DSCAM: variants seen among roughly 807,000 people sequenced by gnomAD.
DSCAM encodes cell adhesion molecule DSCAM.
A neutral mutation model predicts 217.7 loss-of-function variants in DSCAM; 47 were observed. That is an observed-to-expected ratio of 0.22 (90% CI 0.17 to 0.28). The LOEUF is 0.28. DSCAM is among the 10% of genes least tolerant of loss of function. The probability of loss-of-function intolerance (pLI) is 1.00; values close to 1 mark genes in which losing one functional copy is unlikely to be tolerated. For missense variants in DSCAM, 2,080 were observed against 2,618.3 expected, an observed-to-expected ratio of 0.79 and a Z score of 4.49; for synonymous variants, 1,056 against 1,015.3, an observed-to-expected ratio of 1.04 and a Z score of -0.76.
intron 3 of DSCAM, among the ~76,000 whole-genome samples, chr21:40,521,220 G>A (rs1177157801): frequency 2.6e-5 from 4 of 152,168 alleles, no homozygotes. Context: ...GGAGGCCAGG[G>A]ATAATGCTAA....
intron 3 of DSCAM, among the ~76,000 whole-genome samples, chr21:40,402,216 G>A (rs1031134188): frequency 6.0e-5 from 9 of 150,696 alleles, no homozygotes; most frequent in Non-Finnish European, 1.0e-4. Flanking sequence ...ACAGGCGCCC[G>A]CCACCACGCC....
chr21:40,263,598 C>T (rs994979859), intron 11 of DSCAM, among the ~76,000 whole-genome samples: 2 of 152,076 alleles, frequency 1.3e-5, no homozygotes, highest in Non-Finnish European at 2.9e-5. Flanking sequence ...TAAATGCCTA[C>T]ATTAAAAGTC....
At chr21:40,103,625 A>G (rs1257296057) in intron 20 of DSCAM, among the ~76,000 whole-genome samples, 1 of 152,110 alleles carries the variant, frequency 6.6e-6, no homozygotes, top group Non-Finnish European at 1.5e-5. Context: ...ATGGGATAAC[A>G]GCCAGGCAAT....
At position 40,795,122 on chromosome 21, in the gene DSCAM, C is replaced by A. The variant is rs140631807; in HGVS notation, c.43+51497G>T. Among the ~76,000 whole-genome samples, 402 of 152,082 alleles carry A rather than the reference C, an allele frequency of 2.6e-3. 2 individuals are homozygous for A. Among genetic ancestry groups the A allele is most frequent in the African/African-American group, 9.3e-3 (384 of 41,492 alleles). Reference sequence around the variant, plus strand: ...GTGTCTTGTTATACTATTCACAACGCAAACTCTCGGCCCCAGTTGAATGCA... The same window carrying A: ...GTGTCTTGTTATACTATTCACAACGAAAACTCTCGGCCCCAGTTGAATGCA... On this transcript the variant is annotated intron_variant, in intron 1 of 32. Coordinates refer to ENST00000400454, the MANE Select transcript of DSCAM (RefSeq NM_001389.5).
At chr21:40,168,401 A>C (rs1252457290) in intron 15 of DSCAM, among the ~76,000 whole-genome samples, 5 of 152,242 alleles carry the variant, frequency 3.3e-5, no homozygotes, top group Admixed American at 2.6e-4. Flanking sequence ...GAATGTAATC[A>C]GAGCTATGAG....
intron 11 of DSCAM, among the ~76,000 whole-genome samples, chr21:40,248,793 C>T (rs1263205897): frequency 6.6e-6 from 1 of 152,168 alleles, no homozygotes; most frequent in Non-Finnish European, 1.5e-5. Flanking sequence ...TCTGTTTCCA[C>T]ACTGCTGATG....
At chr21:40,702,763 C>G (rs186769030) in intron 2 of DSCAM, among the ~76,000 whole-genome samples, 124 of 151,968 alleles carry the variant, frequency 8.2e-4, no homozygotes, top group Non-Finnish European at 1.4e-3. Flanking sequence ...CCTTTGTGGG[C>G]TTATTAGCTA....
chr21:40,194,834 T>A (rs929529434), intron 11 of DSCAM, among the ~76,000 whole-genome samples: 4 of 152,190 alleles, frequency 2.6e-5, no homozygotes, highest in African/African-American at 9.6e-5. Flanking sequence ...CTTTCCCATT[T>A]AGCTTGAAAT....
intron 3 of DSCAM, among the ~76,000 whole-genome samples, chr21:40,489,333 T>C (rs565825180): frequency 1.4e-4 from 21 of 152,286 alleles, no homozygotes; most frequent in Non-Finnish European, 2.8e-4. Flanking sequence ...GGAACATCAG[T>C]TCCTTCCTGG....
intron 11 of DSCAM, among the ~76,000 whole-genome samples, chr21:40,195,470 T>C (rs1277387702): frequency 6.6e-6 from 1 of 152,054 alleles, no homozygotes; most frequent in Non-Finnish European, 1.5e-5. Context: ...GAAGAAAGGG[T>C]GTCAAATGCC....
At chr21:40,674,036 G>A (rs1453970750) in intron 3 of DSCAM, among the ~76,000 whole-genome samples, 2 of 152,188 alleles carry the variant, frequency 1.3e-5, no homozygotes, top group African/African-American at 2.4e-5. Context: ...CAATCACTTT[G>A]ACATTCGTGC....
chr21:40,514,828 A>G (rs1016832200), intron 3 of DSCAM, among the ~76,000 whole-genome samples: 2 of 152,264 alleles, frequency 1.3e-5, no homozygotes, highest in African/African-American at 4.8e-5. Flanking sequence ...TTCCTCTCCA[A>G]TGAGCTCTTT....
chr21:40,491,288 G>A (rs1374003458), intron 3 of DSCAM, among the ~76,000 whole-genome samples: 1 of 151,994 alleles, frequency 6.6e-6, no homozygotes, highest in Non-Finnish European at 1.5e-5. Context: ...CATATCTCCT[G>A]TTCACATTGT....
chr21:40,483,398 C>A (rs2075998817), intron 3 of DSCAM, among the ~76,000 whole-genome samples: 1 of 152,154 alleles, frequency 6.6e-6, no homozygotes, highest in Admixed American at 6.5e-5. Flanking sequence ...GTGAAATCAA[C>A]TTAAACGGGC....
At chr21:40,341,595 A>G (rs2074492015) in intron 6 of DSCAM, among the ~76,000 whole-genome samples, 1 of 152,212 alleles carries the variant, frequency 6.6e-6, no homozygotes, top group African/African-American at 2.4e-5. Flanking sequence ...TCCTTTCAAT[A>G]AATCCACATC....
chr21:40,353,492 T>G lies in DSCAM; in HGVS notation c.907A>C (p.Lys303Gln), dbSNP rs2074656425. The change falls in exon 5 of 33, where the codon AAG (lysine) becomes CAG (glutamine). Residue 303 changes from lysine (K) to glutamine (Q), a missense_variant. By Grantham distance (53) the Lys-to-Gln change is moderately conservative (BLOSUM62 1). Coordinates refer to ENST00000400454, the MANE Select transcript of DSCAM (RefSeq NM_001389.5). ...CEVSNRYGTA[K>Q]VIGRLYVKQP... The stretch of plus-strand genomic sequence containing the variant: ...TTCACGTACAGGCGGCCTATCACCT[T>G]AGCAGTTCCGTATCTGTTGGACACT... 2.5e-6 allele frequency: 4 copies of G among 1,611,032 alleles called. No individual in the cohort carries two copies. The highest frequency in any genetic ancestry group is 3.4e-6 in the Non-Finnish European group (4 of 1,179,040).
At chr21:40,127,035 C>T (rs1470760413) in intron 19 of DSCAM, among the ~76,000 whole-genome samples, 5 of 152,200 alleles carry the variant, frequency 3.3e-5, no homozygotes, top group African/African-American at 9.6e-5. Context: ...CTTAGTTCCA[C>T]GTCCTGGACA....
At chr21:40,246,294 A>G (rs146540486) in intron 11 of DSCAM, among the ~76,000 whole-genome samples, 194 of 146,044 alleles carry the variant, frequency 1.3e-3, no homozygotes, top group Non-Finnish European at 2.2e-3. Context: ...AGGCAGGTGA[A>G]TCAAATGAGG....
At chr21:40,811,037 G>T (rs754104017) in intron 1 of DSCAM, among the ~76,000 whole-genome samples, 40 of 152,284 alleles carry the variant, frequency 2.6e-4, no homozygotes, top group South Asian at 4.1e-4. Context: ...CCCCAGATAG[G>T]AATATTTCAT....
Sources: allele counts gnomAD v4.1 joint callset (sites outside exome capture counted in the v4.1 genomes callset), GRCh38; gene constraint gnomAD v4.1.1; transcripts MANE v1.5; gene names NCBI Gene and HGNC (gene_info 2026-07-23, HGNC 2026-07-21).